The following EGFLAM variants were observed in gnomAD, a reference collection of about 807,000 sequenced individuals.
The protein encoded by EGFLAM is EGF like, fibronectin type III and laminin G domains, also known as pikachurin.
In EGFLAM, 79 loss-of-function variants were observed where a neutral mutation model predicts 113.1. The observed-to-expected ratio is 0.70, with a 90% CI of 0.58 to 0.84. The LOEUF is 0.84. Ranked by LOEUF, EGFLAM falls within the 40% of genes least tolerant of loss-of-function variation. EGFLAM has a pLI of 0.00. For synonymous variants in EGFLAM, 504 were observed against 487.6 expected (o/e 1.03, Z -0.44); for missense variants, 1,265 against 1,291.6 (o/e 0.98, Z 0.32).
intron 18 of EGFLAM, among the ~76,000 whole-genome samples, chr5:38,450,766 C>T (rs1742886130): frequency 6.6e-6 from 1 of 152,234 alleles, no homozygotes; most frequent in South Asian, 2.1e-4. Context: ...TCCTGTTCTT[C>T]TCCACCCTGG....
chr5:38,352,892 C>T (rs1340276766), intron 5 of EGFLAM, among the ~76,000 whole-genome samples: 1 of 152,214 alleles, frequency 6.6e-6, no homozygotes, highest in East Asian at 1.9e-4. Flanking sequence ...CTATTCTAGG[C>T]TCTGAAAACT....
At chr5:38,296,715 A>T (rs1320375510) in intron 1 of EGFLAM, among the ~76,000 whole-genome samples, 1 of 151,400 alleles carries the variant, frequency 6.6e-6, no homozygotes, top group African/African-American at 2.4e-5. Context: ...TAATATATGC[A>T]TTTTTACATA....
At chr5:38,436,118 C>G (rs572207207) in intron 16 of EGFLAM, among the ~76,000 whole-genome samples, 3 of 152,114 alleles carry the variant, frequency 2.0e-5, no homozygotes, top group South Asian at 4.2e-4. Flanking sequence ...TTCTGGCCTG[C>G]TCTCTTTTAT....
intron 5 of EGFLAM, among the ~76,000 whole-genome samples, chr5:38,359,354 A>G (rs1411148849): frequency 6.6e-6 from 1 of 152,220 alleles, no homozygotes; most frequent in Non-Finnish European, 1.5e-5. Flanking sequence ...GGGGCAGGCT[A>G]AAGCTCAGCA....
At position 38,464,879 on chromosome 5, in the gene EGFLAM, C is replaced by G. The variant is rs1030364425; in HGVS notation, c.*893C>G. The stretch of plus-strand genomic sequence containing the variant: ...TCTCTTTTGGTAAATGTTGACGGCT[C>G]AAGAGGATGAATATGAAGCTTTCCA... On this transcript the variant is annotated 3_prime_UTR_variant, in exon 22 of 22. Transcript: ENST00000322350. 1 of 152,096 alleles carries G rather than the reference C, an allele frequency of 6.6e-6. No individual in the cohort carries two copies. Among genetic ancestry groups the G allele is most frequent in the African/African-American group, 2.4e-5 (1 of 41,390 alleles). 9.4% of individuals were successfully genotyped at this position (152,096 alleles called of 1,614,324 possible).
intron 5 of EGFLAM, among the ~76,000 whole-genome samples, chr5:38,364,139 A>C (rs1168352275): frequency 6.6e-6 from 1 of 152,224 alleles, no homozygotes; most frequent in East Asian, 1.9e-4. Context: ...GCATATGTTC[A>C]TACAAACATG....
chr5:38,456,374 C>T (rs151110360), intron 19 of EGFLAM, among the ~76,000 whole-genome samples: 24 of 152,224 alleles, frequency 1.6e-4, no homozygotes, highest in African/African-American at 4.1e-4. Flanking sequence ...CCTCTCAGAA[C>T]GGCCATAGAT....
intron 6 of EGFLAM, among the ~76,000 whole-genome samples, chr5:38,399,190 T>C (rs1194759164): frequency 6.6e-6 from 1 of 151,896 alleles, no homozygotes; most frequent in Non-Finnish European, 1.5e-5. Context: ...CTATGCTAGG[T>C]GGAGAGGGAA....
intron 6 of EGFLAM, among the ~76,000 whole-genome samples, chr5:38,388,827 A>T (rs1740734177): frequency 6.7e-6 from 1 of 149,678 alleles, no homozygotes; most frequent in African/African-American, 2.5e-5. Context: ...ACTCAGGAGG[A>T]TCATTTGAGC....
intron 6 of EGFLAM, among the ~76,000 whole-genome samples, chr5:38,386,412 C>T (rs762747693): frequency 6.6e-6 from 1 of 152,186 alleles, no homozygotes; most frequent in African/African-American, 2.4e-5. Context: ...AGACTAGTCT[C>T]GAACTCCTGA....
chr5:38,270,916 C>T (rs1470634314), intron 1 of EGFLAM, among the ~76,000 whole-genome samples: 1 of 152,064 alleles, frequency 6.6e-6, no homozygotes, highest in African/African-American at 2.4e-5. Context: ...ATTGTAACCC[C>T]AAATATTGAC....
At chr5:38,277,412 C>G (rs971337732) in intron 1 of EGFLAM, among the ~76,000 whole-genome samples, 98 of 152,090 alleles carry the variant, frequency 6.4e-4, no homozygotes, top group African/African-American at 2.2e-3. Flanking sequence ...TGGAATGTAC[C>G]TCAACATAAT....
chr5:38,382,347 T>A (rs950936183), intron 6 of EGFLAM, among the ~76,000 whole-genome samples: 4 of 152,218 alleles, frequency 2.6e-5, no homozygotes, highest in Non-Finnish European at 2.9e-5. Context: ...AACAATGTAT[T>A]CCATTATAAA....
intron 17 of EGFLAM, among the ~76,000 whole-genome samples, chr5:38,441,694 CA>C (rs2112236114): frequency 6.6e-6 from 1 of 152,088 alleles, no homozygotes; most frequent in African/African-American, 2.4e-5. Flanking sequence ...AGTAAACAGA[CA>C]ATTCTCTCTC....
intron 1 of EGFLAM, among the ~76,000 whole-genome samples, chr5:38,296,326 T>C (rs186133592): frequency 1.6e-4 from 24 of 152,296 alleles, no homozygotes; most frequent in Admixed American, 1.4e-3. Context: ...ATGGTGATGA[T>C]GATAGAATCA....
chr5:38,396,441 G>C (rs1430077170), intron 6 of EGFLAM, among the ~76,000 whole-genome samples: 1 of 152,188 alleles, frequency 6.6e-6, no homozygotes, highest in African/African-American at 2.4e-5. Flanking sequence ...TATAACTGGG[G>C]TCTTTCAACT....
chr5:38,304,545 C>A (rs1003436489), intron 1 of EGFLAM, among the ~76,000 whole-genome samples: 1 of 152,198 alleles, frequency 6.6e-6, no homozygotes, highest in Admixed American at 6.5e-5. Flanking sequence ...GAAAGATCTT[C>A]CCTGGGATGT....
At chr5:38,396,935 C>A (rs1247393920) in intron 6 of EGFLAM, among the ~76,000 whole-genome samples, 1 of 152,156 alleles carries the variant, frequency 6.6e-6, no homozygotes, top group Non-Finnish European at 1.5e-5. Context: ...GAAAGGGAGA[C>A]TCCGAGAGAG....
At chr5:38,448,835 T>C (rs1742810932) in intron 18 of EGFLAM, among the ~76,000 whole-genome samples, 1 of 152,178 alleles carries the variant, frequency 6.6e-6, no homozygotes, top group Admixed American at 6.5e-5. Flanking sequence ...CCAAGCCCAT[T>C]CCCTGCTGAG....
Sources: gnomAD v4.1 joint callset for allele counts (sites outside exome capture counted in the v4.1 genomes callset) on GRCh38, gnomAD v4.1.1 for gene constraint, MANE v1.5 for transcripts, NCBI Gene and HGNC (gene_info 2026-07-23, HGNC 2026-07-21) for gene names.